KCNMA1: variants seen among roughly 807,000 people sequenced by gnomAD.
KCNMA1 encodes Calcium-activated potassium channel subunit alpha-1.
In KCNMA1, 29 loss-of-function variants were observed where a neutral mutation model predicts 140.0. That is an observed-to-expected ratio of 0.21 (90% confidence interval 0.15 to 0.28). The LOEUF is 0.28. Ranked by LOEUF, KCNMA1 falls within the 10% of genes least tolerant of loss-of-function variation. The probability of loss-of-function intolerance (pLI) is 1.00; values close to 1 mark genes in which losing one functional copy is unlikely to be tolerated. For synonymous variants in KCNMA1, 612 were observed against 611.9 expected (o/e 1.00, Z 0.00); for missense variants, 880 against 1,602.2 (o/e 0.55, Z 7.70).
At chr10:77,495,453 A>C (rs567599104) in intron 1 of KCNMA1, among the ~76,000 whole-genome samples, 1 of 152,234 alleles carries the variant, frequency 6.6e-6, no homozygotes, top group Non-Finnish European at 1.5e-5. Flanking sequence ...GTGGCAGTCA[A>C]CCACCCAGAG....
chr10:76,892,484 G>T (rs562394362), intron 25 of KCNMA1, among the ~76,000 whole-genome samples: 1 of 152,320 alleles, frequency 6.6e-6, no homozygotes, highest in East Asian at 1.9e-4. Context: ...AAAGGTATTT[G>T]TCACCAGCCT....
chr10:77,102,103 C>T (rs2097111502), intron 9 of KCNMA1, among the ~76,000 whole-genome samples: 1 of 152,182 alleles, frequency 6.6e-6, no homozygotes, highest in Non-Finnish European at 1.5e-5. Flanking sequence ...GCATCTGTCC[C>T]CAGTGCCTGG....
At chr10:77,063,574 G>C (rs11599430) in intron 14 of KCNMA1, 1 of 199,950 alleles carries the variant, frequency 5.0e-6, no homozygotes, top group African/African-American at 2.4e-5. Context: ...TGCACCCCTA[G>C]ATGTGTAGAA....
chr10:77,271,173 A>AT (rs1281826145), intron 2 of KCNMA1, among the ~76,000 whole-genome samples: 2 of 152,188 alleles, frequency 1.3e-5, no homozygotes, highest in Non-Finnish European at 2.9e-5. Flanking sequence ...TTAGGTTTAT[A>AT]TTTTTGTTAA....
intron 3 of KCNMA1, among the ~76,000 whole-genome samples, chr10:77,209,805 G>T (rs2045409254): frequency 6.6e-6 from 1 of 151,790 alleles, no homozygotes; most frequent in African/African-American, 2.4e-5. Context: ...AAATCTAGAG[G>T]AGATAGATAA....
chr10:77,007,653 G>GTGTGTGTATATA lies in KCNMA1; in HGVS notation c.2092+4313_2092+4314insTATATACACACA. ...ACATCATGGTACATATTGTGTGTGT[G>GTGTGTGTATATA]TATATATATATATATATATATATGT... On this transcript the variant is annotated intron_variant, in intron 18 of 27. Coordinates refer to ENST00000286628, the MANE Select transcript of KCNMA1 (RefSeq NM_001161352.2). Among the ~76,000 whole-genome samples the GTGTGTGTATATA allele has an allele frequency of 2.4e-3, 216 of 88,432 alleles. 14 individuals are homozygous for GTGTGTGTATATA. The Middle Eastern group carries it at 0.036, about 15-fold the overall frequency. 58.0% of individuals were successfully genotyped at this position (88,432 alleles called of 152,430 possible). A position where few individuals can be genotyped will look rare whatever the true frequency, so the allele number is the denominator to read the frequency against.
At chr10:77,572,998 G>A (rs1603637242) in intron 1 of KCNMA1, among the ~76,000 whole-genome samples, 5 of 152,026 alleles carry the variant, frequency 3.3e-5, no homozygotes, top group African/African-American at 7.2e-5. Context: ...AAACTGCCTC[G>A]CAGTTCAGGG....
At position 77,561,489 on chromosome 10, in the gene KCNMA1, C is replaced by G. The variant is rs541724570; in HGVS notation, c.378+75776G>C. On this transcript the variant is annotated intron_variant, in intron 1 of 27. Coordinates refer to ENST00000286628, the MANE Select transcript of KCNMA1 (RefSeq NM_001161352.2). ...CTAAGTGGTGGGGCCAGGGTTTGAA[C>G]CCAGATGGTCCAAGCTTTGGACCCT... 7.2e-5 allele frequency among the ~76,000 whole-genome samples: 11 copies of G among 152,316 alleles called. No homozygotes were observed. The South Asian group carries it at 1.7e-3, about 23-fold the overall frequency.
chr10:77,537,079 G>A lies in KCNMA1; in HGVS notation c.378+100186C>T, dbSNP rs569429913. 2.0e-5 allele frequency among the ~76,000 whole-genome samples: 3 copies of A among 152,078 alleles called. No individual in the cohort carries two copies. In the East Asian group the frequency reaches 5.8e-4, roughly 29 times the overall value. Reference sequence around the variant, plus strand: ...TGTTCATATTTATTTTCCAGAGATAGCCCTAAACACGGGACATCACCAGTT... The same window carrying A: ...TGTTCATATTTATTTTCCAGAGATAACCCTAAACACGGGACATCACCAGTT... On this transcript the variant is annotated intron_variant, in intron 1 of 27. Transcript: ENST00000286628.
chr10:76,983,118 A>AAAACTGACTGCAATCCATATT (rs2080084767), intron 19 of KCNMA1, among the ~76,000 whole-genome samples: 1 of 152,238 alleles, frequency 6.6e-6, no homozygotes, highest in Non-Finnish European at 1.5e-5. Context: ...CTTTTACATG[A>AAAACTGACTGCAATCCATATT]AAACTGACTG....
chr10:76,923,123 C>A (rs1426921924), intron 23 of KCNMA1, among the ~76,000 whole-genome samples: 5 of 152,118 alleles, frequency 3.3e-5, no homozygotes, highest in African/African-American at 1.2e-4. Context: ...CATTTTGGGT[C>A]CAACCCAAAC....
intron 2 of KCNMA1, among the ~76,000 whole-genome samples, chr10:77,335,581 C>T (rs2088618053): frequency 6.6e-6 from 1 of 152,140 alleles, no homozygotes; most frequent in Non-Finnish European, 1.5e-5. Context: ...CTAGGTGATT[C>T]TAATGTGTAA....
At chr10:77,573,367 G>A (rs1213020041) in intron 1 of KCNMA1, among the ~76,000 whole-genome samples, 2 of 152,130 alleles carry the variant, frequency 1.3e-5, no homozygotes, top group Non-Finnish European at 2.9e-5. Context: ...CATGACCCAG[G>A]AAGACTCTTA....
At chr10:77,218,542 AG>A (rs1365666619) in intron 3 of KCNMA1, among the ~76,000 whole-genome samples, 3 of 152,136 alleles carry the variant, frequency 2.0e-5, no homozygotes, top group Non-Finnish European at 2.9e-5. Flanking sequence ...GCACCCCAGT[AG>A]AAGTCTCCTC....
chr10:77,406,496 G>A (rs1296726182), intron 1 of KCNMA1, among the ~76,000 whole-genome samples: 1 of 152,132 alleles, frequency 6.6e-6, no homozygotes, highest in African/African-American at 2.4e-5. Flanking sequence ...ACACCAGAGG[G>A]CTTGTTGAAA....
At chr10:77,040,048 ATT>A (rs35787824) in intron 14 of KCNMA1, among the ~76,000 whole-genome samples, 1 of 143,544 alleles carries the variant, frequency 7.0e-6, no homozygotes. Context: ...ACACCTGGCA[ATT>A]TTTTTTTTTT....
chr10:77,055,667 A>C (rs767257451), intron 14 of KCNMA1, among the ~76,000 whole-genome samples: 8 of 151,978 alleles, frequency 5.3e-5, no homozygotes, highest in Non-Finnish European at 1.0e-4. Flanking sequence ...GAGAATGAAA[A>C]CCAAACCCTA....
At chr10:77,350,831 A>C (rs1328816631) in intron 2 of KCNMA1, 1 of 152,100 alleles carries the variant, frequency 6.6e-6, no homozygotes, top group Non-Finnish European at 1.5e-5. Flanking sequence ...GATTATGAGG[A>C]CTTAGTGGGA....
At chr10:77,547,981 T>C (rs564057375) in intron 1 of KCNMA1, among the ~76,000 whole-genome samples, 208 of 151,554 alleles carry the variant, frequency 1.4e-3, no homozygotes, top group Middle Eastern at 6.8e-3. Flanking sequence ...GCCTAAAATC[T>C]CTATTATCTG....
Sources: gnomAD v4.1 joint callset for allele counts (sites outside exome capture counted in the v4.1 genomes callset) on GRCh38, gnomAD v4.1.1 for gene constraint, MANE v1.5 for transcripts, NCBI Gene and HGNC (gene_info 2026-07-23, HGNC 2026-07-21) for gene names.